Variants in NCK2 observed in about 807,000 individuals in gnomAD.
The protein encoded by NCK2 is NCK adaptor protein 2, also known as cytoplasmic protein NCK2.
Under a neutral mutation model 33.9 loss-of-function variants are expected in NCK2, and 16 were observed. That is an observed-to-expected ratio of 0.47 (90% CI 0.32 to 0.72). NCK2 has a LOEUF of 0.72. Ranked by LOEUF, NCK2 falls within the 30% of genes least tolerant of loss-of-function variation. The pLI is 0.03. For synonymous variants in NCK2, 273 were observed against 239.9 expected (o/e 1.14, Z -1.27); for missense variants, 418 against 537.3 (o/e 0.78, Z 2.19).
At chr2:105,800,307 C>G (rs987321290) in intron 1 of NCK2, among the ~76,000 whole-genome samples, 26 of 152,146 alleles carry the variant, frequency 1.7e-4, no homozygotes, top group African/African-American at 5.8e-4. Flanking sequence ...CTGCTGTGAA[C>G]GGGGTAATGA....
At chr2:105,755,914 T>A (rs1689586893) in intron 1 of NCK2, among the ~76,000 whole-genome samples, 1 of 152,238 alleles carries the variant, frequency 6.6e-6, no homozygotes, top group African/African-American at 2.4e-5. Flanking sequence ...TCCTTCTTTG[T>A]ATAGTTCTAA....
chr2:105,804,743 AATATG>A (rs1218510421), intron 1 of NCK2, among the ~76,000 whole-genome samples: 2 of 152,368 alleles, frequency 1.3e-5, no homozygotes, highest in East Asian at 3.9e-4. Context: ...GAAATTAAGA[AATATG>A]ATATGTAAGA....
intron 1 of NCK2, among the ~76,000 whole-genome samples, chr2:105,780,704 A>G (rs760475257): frequency 1.3e-5 from 2 of 152,140 alleles, no homozygotes; most frequent in Non-Finnish European, 2.9e-5. Flanking sequence ...GGAGGTGATT[A>G]GGTCGTAAGA....
chr2:105,826,743 G>T lies in NCK2; in HGVS notation c.-17+10130G>T, dbSNP rs142200204. ...TGGCCAAGTAAGTATCCTTTCCTCT[G>T]AGCAGCTTCCCTAGCTCCTCTGCCT... On this transcript the variant is annotated intron_variant, in intron 2 of 4. Coordinates refer to ENST00000233154, the MANE Select transcript of NCK2 (RefSeq NM_003581.5). Among the ~76,000 whole-genome samples the T allele has an allele frequency of 7.0e-4, 106 of 152,130 alleles. 1 individual carries two copies. The highest frequency in any genetic ancestry group is 1.1e-3 in the Non-Finnish European group (77 of 67,990).
intron 1 of NCK2, among the ~76,000 whole-genome samples, chr2:105,748,911 T>A (rs2104322385): frequency 6.6e-6 from 1 of 152,314 alleles, no homozygotes; most frequent in Admixed American, 6.5e-5. Flanking sequence ...CCAGCATTCT[T>A]GTAAATCTCA....
chr2:105,762,011 C>CT (rs532116067), intron 1 of NCK2, among the ~76,000 whole-genome samples: 165 of 152,278 alleles, frequency 1.1e-3, no homozygotes, highest in African/African-American at 3.5e-3. Flanking sequence ...TGTCCTTTTT[C>CT]TAAGTTTTTG....
chr2:105,794,381 C>G (rs1450535442), intron 1 of NCK2, among the ~76,000 whole-genome samples: 2 of 152,050 alleles, frequency 1.3e-5, no homozygotes, highest in Non-Finnish European at 2.9e-5. Context: ...TTCCTTTATG[C>G]TGAAAATCTT....
At chr2:105,811,651 C>T (rs1401065053) in intron 1 of NCK2, among the ~76,000 whole-genome samples, 1 of 152,096 alleles carries the variant, frequency 6.6e-6, no homozygotes, top group African/African-American at 2.4e-5. Context: ...AGGTGGAGGT[C>T]CTTTGTCAGG....
At chr2:105,809,797 G>T (rs1371534006) in intron 1 of NCK2, among the ~76,000 whole-genome samples, 1 of 152,166 alleles carries the variant, frequency 6.6e-6, no homozygotes, top group Non-Finnish European at 1.5e-5. Flanking sequence ...TGTCCATGGA[G>T]CCATCCAGGA....
At position 105,782,015 on chromosome 2, in the gene NCK2, C is replaced by T. The variant is rs74424301; in HGVS notation, c.-200-34415C>T. On this transcript the variant is annotated intron_variant, in intron 1 of 4. Transcript: ENST00000233154. Reference sequence around the variant, plus strand: ...TCCAAATTACCTGAAAACCTGCGGCCCATCAGGTCCCTCAAGCTGAGGGAG... The same window carrying T: ...TCCAAATTACCTGAAAACCTGCGGCTCATCAGGTCCCTCAAGCTGAGGGAG... Among the ~76,000 whole-genome samples, 1,138 of 152,266 alleles carry T rather than the reference C, an allele frequency of 7.5e-3. 54 individuals carry two copies. In the East Asian group the frequency reaches 0.14, roughly 19 times the overall value.
intron 2 of NCK2, 126 bp from the exon 3 acceptor site, chr2:105,854,922 G>T (rs1354158001): frequency 3.0e-6 from 2 of 659,874 alleles, no homozygotes; most frequent in Non-Finnish European, 5.3e-6. Context: ...AGCATTTCAA[G>T]ACCCAGGAGA....
At chr2:105,891,555 T>TGAGATAGAG in intron 4 of NCK2, among the ~76,000 whole-genome samples, 2 of 10,864 alleles carry the variant, frequency 1.8e-4, no homozygotes, top group African/African-American at 1.1e-3. Context: ...TTTTTTTTTT[T>TGAGATAGAG]TTTTTTTTTT....
In NCK2 at chr2:105,893,153, T is replaced by C. The variant is rs1026995769; in HGVS notation, c.1120T>C (p.Tyr374His). 11 of 1,606,570 alleles carry C rather than the reference T, an allele frequency of 6.8e-6. No homozygotes were observed. In the Admixed American group the frequency reaches 1.2e-4, roughly 17 times the overall value. Residue 374 changes from tyrosine to histidine, a missense_variant, in exon 5 of 5, where the codon TAC (tyrosine) becomes CAC (histidine). Coordinates refer to ENST00000233154, the MANE Select transcript of NCK2 (RefSeq NM_003581.5). ...IFTSEHGEKL[Y>H]LVRALQ Reference sequence around the variant, plus strand: ...CACCAGCGAGCACGGGGAGAAGCTCTACCTCGTCAGGGCCCTGCAGTGACG... The same window carrying C: ...CACCAGCGAGCACGGGGAGAAGCTCCACCTCGTCAGGGCCCTGCAGTGACG...
intron 3 of NCK2, among the ~76,000 whole-genome samples, chr2:105,875,947 T>G (rs1678218722): frequency 6.6e-6 from 1 of 152,228 alleles, no homozygotes; most frequent in African/African-American, 2.4e-5. Flanking sequence ...AGCATGTCTA[T>G]GAAACAGCAT....
intron 2 of NCK2, among the ~76,000 whole-genome samples, chr2:105,835,900 T>C (rs1029343681): frequency 2.0e-5 from 3 of 151,744 alleles, no homozygotes; most frequent in African/African-American, 4.9e-5. Flanking sequence ...TTTCTTCTGC[T>C]TGATCTAGTC....
chr2:105,891,532 ATTTTTTTTTTTTTTTTTT>A (rs757598660), intron 4 of NCK2, among the ~76,000 whole-genome samples: 7 of 81,332 alleles, frequency 8.6e-5, no homozygotes, highest in East Asian at 7.3e-4. Context: ...TAAAAGACCA[ATTTTTTTTTTTTTTTTTT>A]TTTTTTTTTT....
intron 1 of NCK2, among the ~76,000 whole-genome samples, chr2:105,753,403 C>G (rs1400012338): frequency 6.6e-6 from 1 of 152,246 alleles, no homozygotes; most frequent in African/African-American, 2.4e-5. Context: ...CTGCCCAAGT[C>G]TCCAATTCTG....
At chr2:105,875,348 C>T (rs553095826) in intron 3 of NCK2, among the ~76,000 whole-genome samples, 3 of 152,178 alleles carry the variant, frequency 2.0e-5, no homozygotes, top group African/African-American at 2.4e-5. Context: ...GAGGTGCTGG[C>T]GGTACGGGGT....
intron 1 of NCK2, among the ~76,000 whole-genome samples, chr2:105,765,786 GGTGTGTGT>G (rs56917992): frequency 3.7e-4 from 55 of 147,220 alleles, no homozygotes; most frequent in African/African-American, 4.5e-4. Flanking sequence ...TAGAATAGGG[GGTGTGTGT>G]GTGTGTGTGT....
Sources: allele counts gnomAD v4.1 joint callset (sites outside exome capture counted in the v4.1 genomes callset), GRCh38; gene constraint gnomAD v4.1.1; transcripts MANE v1.5; gene names NCBI Gene and HGNC (gene_info 2026-07-23, HGNC 2026-07-21).